The following SERPINB12 variants were observed in gnomAD, a reference collection of about 807,000 sequenced individuals.
SERPINB12 encodes the protein serpin family B member 12, also known as serpin B12.
In SERPINB12, 57 loss-of-function variants were observed where a neutral mutation model predicts 41.1. The observed-to-expected ratio is 1.39, with a 90% CI of 1.12 to 1.73. The LOEUF (loss-of-function observed/expected upper bound fraction) is 1.73, where lower values mean the gene tolerates loss of function less well. SERPINB12 is among the 40% of genes most tolerant of loss of function. SERPINB12 has a pLI of 0.00. For synonymous variants in SERPINB12, 180 were observed against 181.3 expected (o/e 0.99, Z 0.06); for missense variants, 536 against 501.9 (o/e 1.07, Z -0.65).
chr18:63,531,921 G>A, the SERPINB12 span, among the ~76,000 whole-genome samples: 4 of 152,140 alleles, frequency 2.6e-5, no homozygotes, highest in East Asian at 1.9e-4. Context: ...GTATGGTTTA[G>A]GGATGACTGT....
upstream of SERPINB12, among the ~76,000 whole-genome samples, chr18:63,540,073 A>G (rs969111189): frequency 7.2e-5 from 11 of 152,176 alleles, no homozygotes; most frequent in African/African-American, 2.4e-4. Context: ...TTTCCACTCC[A>G]TGGTGAGAGA....
upstream of SERPINB12, among the ~76,000 whole-genome samples, chr18:63,540,659 T>C (rs1910254028): frequency 6.6e-6 from 1 of 152,178 alleles, no homozygotes; most frequent in African/African-American, 2.4e-5. Flanking sequence ...GTTAATGCAT[T>C]TTTATCCAGT....
chr18:63,534,922 T>C, the SERPINB12 span, among the ~76,000 whole-genome samples: 3 of 152,174 alleles, frequency 2.0e-5, no homozygotes, highest in South Asian at 6.2e-4. Flanking sequence ...CACAGGCACG[T>C]ATGCATGTGG....
At chr18:63,529,018 C>T in the SERPINB12 span, among the ~76,000 whole-genome samples, 1 of 152,192 alleles carries the variant, frequency 6.6e-6, no homozygotes, top group Admixed American at 6.5e-5. Context: ...TGGGACCACA[C>T]TCAGTTCCAG....
rs373993497 is a variant in SERPINB12, at chr18:63,565,629, A to T, written c.873+17A>T. ...CTGGAAGAGGTAAATCTTCATTTCCACATCTCTACAAAATATTTAATGATA... is the reference window on the plus strand; with the variant it reads ...CTGGAAGAGGTAAATCTTCATTTCCTCATCTCTACAAAATATTTAATGATA... On this transcript the variant is annotated intron_variant, in intron 7 of 7. Coordinates refer to ENST00000382768, the MANE Select transcript of SERPINB12 (RefSeq NM_001307928.2). 81 of 1,598,268 alleles carry T rather than the reference A, an allele frequency of 5.1e-5. No individual in the cohort carries two copies. Among genetic ancestry groups the T allele is most frequent in the Middle Eastern group, 5.0e-4 (3 of 6,000 alleles).
chr18:63,557,352 G>C (rs1910712378), intron 2 of SERPINB12, among the ~76,000 whole-genome samples: 1 of 151,924 alleles, frequency 6.6e-6, no homozygotes, highest in African/African-American at 2.4e-5. Context: ...AGACCATAAG[G>C]GATACTTTTG....
intron 1 of SERPINB12, among the ~76,000 whole-genome samples, chr18:63,552,520 T>G (rs574998315): frequency 6.6e-6 from 1 of 152,220 alleles, no homozygotes; most frequent in South Asian, 2.1e-4. Flanking sequence ...ATCTGTGTTA[T>G]TAGCATAATC....
the SERPINB12 span, among the ~76,000 whole-genome samples, chr18:63,528,424 A>AAATAAATC: frequency 2.6e-4 from 40 of 151,588 alleles, no homozygotes; most frequent in East Asian, 3.9e-4. Context: ...ATAAATAAAT[A>AAATAAATC]AATCCTATAA....
the SERPINB12 span, among the ~76,000 whole-genome samples, chr18:63,519,140 G>A: frequency 2.6e-5 from 4 of 152,130 alleles, no homozygotes; most frequent in Admixed American, 6.5e-5. Context: ...AGCAAGCAAG[G>A]CACTGCCCAA....
At chr18:63,520,000 C>T in the SERPINB12 span, among the ~76,000 whole-genome samples, 22 of 152,182 alleles carry the variant, frequency 1.4e-4, no homozygotes, top group Non-Finnish European at 4.4e-5. Flanking sequence ...CCCTGCCTAT[C>T]TCTAGAACAG....
the SERPINB12 span, among the ~76,000 whole-genome samples, chr18:63,533,244 G>T: frequency 6.6e-6 from 1 of 152,126 alleles, no homozygotes; most frequent in South Asian, 2.1e-4. Flanking sequence ...CCAAAATATT[G>T]GGATTACAGG....
chr18:63,527,166 A>C, the SERPINB12 span, among the ~76,000 whole-genome samples: 3 of 152,178 alleles, frequency 2.0e-5, no homozygotes, highest in African/African-American at 7.2e-5. Flanking sequence ...TTTAGTAACA[A>C]ATTTTCCTTT....
the SERPINB12 span, among the ~76,000 whole-genome samples, chr18:63,525,440 CAT>C: frequency 4.6e-5 from 7 of 152,044 alleles, no homozygotes; most frequent in Non-Finnish European, 7.4e-5. Context: ...TTTTTAGAAA[CAT>C]AGCTTCTCAT....
At chr18:63,564,708 A>G (rs76106531) in intron 6 of SERPINB12, among the ~76,000 whole-genome samples, 1 of 152,282 alleles carries the variant, frequency 6.6e-6, no homozygotes, top group African/African-American at 2.4e-5. Context: ...TTCTCACTTA[A>G]CATGTCTGCC....
Position 63,566,677 on chromosome 18 carries a change from T to G in SERPINB12, c.944T>G (p.Val315Gly), listed in dbSNP as rs768076403. Residue 315 changes from valine to glycine, a missense_variant, in exon 8 of 8, where the codon GTG (valine) becomes GGG (glycine). Transcript: ENST00000382768. ...TCAGAAAACATGTCAGAAGAATCGG[T>G]GGTCCTGTCCTTCCCCCGGTTCACC... ...SSSENMSEESVVLSFPRFTLE... is the reference protein window; with the variant it reads ...SSSENMSEESGVLSFPRFTLE... 4.3e-6 allele frequency: 7 copies of G among 1,614,088 alleles called. No individual in the cohort carries two copies. The Admixed American group carries it at 6.7e-5, about 15-fold the overall frequency.
intron 5 of SERPINB12, among the ~76,000 whole-genome samples, chr18:63,562,406 A>G (rs1167521430): frequency 6.6e-6 from 1 of 152,182 alleles, no homozygotes; most frequent in African/African-American, 2.4e-5. Context: ...CTGCCTTCAG[A>G]GTGAGACCAT....
chr18:63,523,827 C>T, the SERPINB12 span, among the ~76,000 whole-genome samples: 3,789 of 152,192 alleles, frequency 0.025, 168 homozygotes, highest in African/African-American at 0.085. Flanking sequence ...AAGCAAAAAG[C>T]GGTACTTTCT....
chr18:63,540,575 C>G (rs995702891), upstream of SERPINB12, among the ~76,000 whole-genome samples: 1 of 152,090 alleles, frequency 6.6e-6, no homozygotes, highest in Admixed American at 6.6e-5. Flanking sequence ...GAGATTCAGA[C>G]AAACTGTTAA....
At chr18:63,549,562 C>CTTGAAATCTCAATCTA (rs11273329) in intron 1 of SERPINB12, among the ~76,000 whole-genome samples, 119,598 of 151,744 alleles carry the variant, frequency 0.79, 47,220 homozygotes, top group Non-Finnish European at 0.82. Context: ...TGTTTGCAAT[C>CTTGAAATCTCAATCTA]TATTTAGGAT....
Sources: allele counts gnomAD v4.1 joint callset (sites outside exome capture counted in the v4.1 genomes callset), GRCh38; gene constraint gnomAD v4.1.1; transcripts MANE v1.5; gene names NCBI Gene and HGNC (gene_info 2026-07-23, HGNC 2026-07-21).